PCDHGB4: variants seen among roughly 807,000 people sequenced by gnomAD.
PCDHGB4 encodes the protein protocadherin gamma subfamily B, 4, also known as protocadherin gamma-B4.
A neutral mutation model predicts 60.5 loss-of-function variants in PCDHGB4; 38 were observed. The observed-to-expected ratio is 0.63, with a 90% confidence interval of 0.48 to 0.82. The LOEUF (loss-of-function observed/expected upper bound fraction) is 0.82. Ranked by LOEUF, PCDHGB4 falls within the 40% of genes least tolerant of loss-of-function variation. The pLI is 0.00. For synonymous variants in PCDHGB4, 456 were observed against 509.7 expected (o/e 0.89, Z 1.42); for missense variants, 1,109 against 1,209.6 (o/e 0.92, Z 1.23).
intron 2 of PCDHGB4, among the ~76,000 whole-genome samples, chr5:141,501,049 A>G (rs1458722311): frequency 1.3e-5 from 2 of 151,844 alleles, no homozygotes; most frequent in African/African-American, 2.4e-5. Flanking sequence ...TTGTATTTTT[A>G]GTAGAGACGG....
intron 1 of PCDHGB4, among the ~76,000 whole-genome samples, chr5:141,402,022 T>A (rs1170426258): frequency 6.6e-6 from 1 of 152,210 alleles, no homozygotes; most frequent in East Asian, 1.9e-4. Context: ...TTTGAATCAT[T>A]GAAACACAGT....
Position 141,431,442 on chromosome 5 carries a change from T to G in PCDHGB4, c.2397+41161T>G. 6.2e-7 allele frequency: 1 copy of G among 1,613,746 alleles called. No individual in the cohort carries two copies. The highest frequency in any genetic ancestry group is 1.7e-5 in the Admixed American group (1 of 60,014). The stretch of plus-strand genomic sequence containing the variant: ...CCGGTGCGCACAGGCACCGCGCGCA[T>G]CCGCGTGATGGTTCTGGATGCGAAC... On this transcript the variant is annotated intron_variant, in intron 1 of 3. Coordinates refer to ENST00000519479, the MANE Select transcript of PCDHGB4 (RefSeq NM_003736.4). This position sits in a 1 kb window ranked among gnomAD's most constrained non-coding sequence, Gnocchi z 4.8.
chr5:141,410,045 G>C (rs962300160), intron 1 of PCDHGB4: 1 of 1,613,166 alleles, frequency 6.2e-7, no homozygotes. Context: ...CAGTGAGCCC[G>C]GACTCTTCAG....
intron 1 of PCDHGB4, chr5:141,422,115 T>G: frequency 6.2e-7 from 1 of 1,605,004 alleles, no homozygotes; most frequent in Non-Finnish European, 8.5e-7. Context: ...TCCAATTGGA[T>G]TCACAAACTG....
chr5:141,410,849 CTTTTTTTTT>C (rs759346998), intron 1 of PCDHGB4: 2 of 136,714 alleles, frequency 1.5e-5, no homozygotes, highest in African/African-American at 6.3e-5. Context: ...TTGTCTTTGT[CTTTTTTTTT>C]TTTTTTTTTT....
In PCDHGB4 at chr5:141,431,463, C is replaced by T. The variant is rs139195027; in HGVS notation, c.2397+41182C>T. Reference sequence around the variant, plus strand: ...CGCATCCGCGTGATGGTTCTGGATGCGAACGACAACGCACCAGCGTTTGCT... The same window carrying T: ...CGCATCCGCGTGATGGTTCTGGATGTGAACGACAACGCACCAGCGTTTGCT... On this transcript the variant is annotated intron_variant, in intron 1 of 3. Transcript: ENST00000519479. The surrounding 1 kb of genome is among the most constrained non-coding windows in gnomAD (Gnocchi z 4.8). The T allele has an allele frequency of 3.5e-3, 5,640 of 1,613,740 alleles. 51 individuals are homozygous for T. Among genetic ancestry groups the T allele is most frequent in the South Asian group, 0.02 (1,825 of 91,088 alleles).
Position 141,477,486 on chromosome 5 carries a change from C to A in PCDHGB4, c.2398-17321C>A. On this transcript the variant is annotated intron_variant, in intron 1 of 3. Coordinates refer to ENST00000519479, the MANE Select transcript of PCDHGB4 (RefSeq NM_003736.4). This position sits in a 1 kb window ranked among gnomAD's most constrained non-coding sequence, Gnocchi z 4.9. ...GACATCAATGACAACCCTCCACAAT[C>A]TTCTCAATCTTCCTACGACGTTTAC... is the stretch of plus-strand genomic sequence containing the variant. The A allele has an allele frequency of 6.2e-7, 1 of 1,614,170 alleles. No homozygotes were observed. The highest frequency in any genetic ancestry group is 8.5e-7 in the Non-Finnish European group (1 of 1,180,040).
At chr5:141,412,509 A>G (rs1452202369) in intron 1 of PCDHGB4, 2 of 152,208 alleles carry the variant, frequency 1.3e-5, no homozygotes, top group Admixed American at 1.3e-4. Flanking sequence ...AATAAGTTTA[A>G]TGAATTAAGT....
chr5:141,461,902 C>A (rs1477274695), intron 1 of PCDHGB4, among the ~76,000 whole-genome samples: 1 of 152,116 alleles, frequency 6.6e-6, no homozygotes, highest in African/African-American at 2.4e-5. Flanking sequence ...CGGCTCACTG[C>A]AACCTCTGCC....
At chr5:141,480,956 C>G (rs2099528870) in intron 1 of PCDHGB4, among the ~76,000 whole-genome samples, 1 of 152,064 alleles carries the variant, frequency 6.6e-6, no homozygotes, top group South Asian at 2.1e-4. Flanking sequence ...GAGGCGGAAG[C>G]ATCAGTGAGG....
intron 1 of PCDHGB4, among the ~76,000 whole-genome samples, chr5:141,445,787 T>C (rs2098477657): frequency 1.3e-5 from 2 of 152,182 alleles, no homozygotes; most frequent in South Asian, 4.1e-4. Context: ...CTAGGGAGGC[T>C]AGAAACAGAA....
At chr5:141,501,147 G>A (rs1166199034) in intron 2 of PCDHGB4, among the ~76,000 whole-genome samples, 1 of 152,142 alleles carries the variant, frequency 6.6e-6, no homozygotes, top group Non-Finnish European at 1.5e-5. Context: ...GATTACAGGT[G>A]GGAGCCACCA....
chr5:141,399,133 G>A (rs1054849184), intron 1 of PCDHGB4: 1 of 1,613,714 alleles, frequency 6.2e-7, no homozygotes, highest in Non-Finnish European at 8.5e-7. Flanking sequence ...TATTCAAGAT[G>A]AAAATGACAA....
chr5:141,421,203 G>T, intron 1 of PCDHGB4: 1 of 1,522,612 alleles, frequency 6.6e-7, no homozygotes, highest in Non-Finnish European at 8.8e-7. Flanking sequence ...TCGAGAAACC[G>T]CGGAATATCG....
At chr5:141,480,781 G>A (rs2099525581) in intron 1 of PCDHGB4, among the ~76,000 whole-genome samples, 1 of 152,174 alleles carries the variant, frequency 6.6e-6, no homozygotes, top group Admixed American at 6.5e-5. Flanking sequence ...CTAATGTGCA[G>A]ACAAATTTGA....
At chr5:141,459,218 C>T (rs2098963524) in intron 1 of PCDHGB4, among the ~76,000 whole-genome samples, 1 of 152,220 alleles carries the variant, frequency 6.6e-6, no homozygotes, top group South Asian at 2.1e-4. Context: ...TTCTCCAGCT[C>T]CAGGCAACAA....
intron 1 of PCDHGB4, chr5:141,422,542 G>T (rs368252552): frequency 1.2e-5 from 19 of 1,613,878 alleles, no homozygotes; most frequent in Admixed American, 1.7e-5. Context: ...AGAAACTCAT[G>T]TCTGGCTGAA....
At chr5:141,452,831 G>A (rs1184490491) in intron 1 of PCDHGB4, among the ~76,000 whole-genome samples, 1 of 152,104 alleles carries the variant, frequency 6.6e-6, no homozygotes, top group Non-Finnish European at 1.5e-5. Flanking sequence ...AAAATCACTT[G>A]GTCCAGCCCA....
chr5:141,485,109 CTGTT>C lies in PCDHGB4; in HGVS notation c.2398-9695_2398-9692del. ...AGATAGGTGTCTCCAGCTGCTGTGG[CTGTT>C]TGGGGCGGGTCGGCTTCATCCGCGT... On this transcript the variant is annotated intron_variant, in intron 1 of 3. Transcript: ENST00000519479. This position sits in a 1 kb window ranked among gnomAD's most constrained non-coding sequence, Gnocchi z 5.7. 8.1e-7 allele frequency: 1 copy of C among 1,230,964 alleles called. No individual in the cohort carries two copies. Among genetic ancestry groups the C allele is most frequent in the Non-Finnish European group, 1.2e-6 (1 of 850,026 alleles). The allele number at this position is 1,230,964 out of a possible 1,614,324, so 76.3% of individuals were successfully genotyped here.
Sources: allele counts gnomAD v4.1 joint callset (sites outside exome capture counted in the v4.1 genomes callset), GRCh38; gene constraint gnomAD v4.1.1; non-coding constraint Gnocchi (gnomAD v3.1); transcripts MANE v1.5; gene names NCBI Gene and HGNC (gene_info 2026-07-23, HGNC 2026-07-21).